The following TM9SF3 variants were observed in gnomAD, a reference collection of about 807,000 sequenced individuals.
TM9SF3 encodes SM-11044-binding protein.
A neutral mutation model predicts 78.6 loss-of-function variants in TM9SF3; 14 were observed. That is an observed-to-expected ratio of 0.18 (90% confidence interval 0.12 to 0.28). The LOEUF (loss-of-function observed/expected upper bound fraction) is 0.28. Ranked by LOEUF, TM9SF3 falls within the 10% of genes least tolerant of loss-of-function variation. The probability of loss-of-function intolerance (pLI) is 1.00; values close to 1 mark genes in which losing one functional copy is unlikely to be tolerated. For synonymous variants in TM9SF3, 231 were observed against 241.7 expected, an observed-to-expected ratio of 0.96 and a Z score of 0.41; for missense variants, 496 against 721.9, an observed-to-expected ratio of 0.69 and a Z score of 3.59.
chr10:96,541,043 C>A (rs1848024464), intron 9 of TM9SF3, among the ~76,000 whole-genome samples: 1 of 152,014 alleles, frequency 6.6e-6, no homozygotes, highest in South Asian at 2.1e-4. Context: ...GGATTACAGG[C>A]AGGAGCCACT....
At chr10:96,577,291 C>T (rs1848507357) in intron 1 of TM9SF3, among the ~76,000 whole-genome samples, 1 of 151,352 alleles carries the variant, frequency 6.6e-6, no homozygotes. Flanking sequence ...AAAATTTCAT[C>T]TCCTTGCGAG....
chr10:96,569,162 C>T (rs1218824898), intron 2 of TM9SF3, among the ~76,000 whole-genome samples: 1 of 152,116 alleles, frequency 6.6e-6, no homozygotes, highest in Non-Finnish European at 1.5e-5. Context: ...CAGTAAGACC[C>T]TGTCTCCAAA....
intron 1 of TM9SF3, among the ~76,000 whole-genome samples, chr10:96,579,032 T>G (rs943341104): frequency 6.6e-6 from 1 of 152,194 alleles, no homozygotes; most frequent in Non-Finnish European, 1.5e-5. Context: ...AGCCTGAGAT[T>G]GCGCCACTGC....
At chr10:96,538,832 C>A (rs1847989207) in intron 9 of TM9SF3, among the ~76,000 whole-genome samples, 1 of 152,168 alleles carries the variant, frequency 6.6e-6, no homozygotes, top group Non-Finnish European at 1.5e-5. Flanking sequence ...TATATACTCA[C>A]TAGAATAGCT....
In TM9SF3 at chr10:96,550,353, A is replaced by C. The variant is rs1848152017; in HGVS notation, c.959+892T>G. 2.0e-5 allele frequency among the ~76,000 whole-genome samples: 3 copies of C among 152,364 alleles called. No individual in the cohort carries two copies. The South Asian group carries it at 6.2e-4, about 32-fold the overall frequency. On this transcript the variant is annotated intron_variant, in intron 7 of 14. Coordinates refer to ENST00000371142, the MANE Select transcript of TM9SF3 (RefSeq NM_020123.4). ...GAAACAAATATTTAGTATACAGTTA[A>C]ATATTTAATATGCAACTAAAGAGCC...
intron 3 of TM9SF3, among the ~76,000 whole-genome samples, chr10:96,564,908 A>C (rs1050390769): frequency 2.0e-5 from 3 of 152,162 alleles, no homozygotes; most frequent in African/African-American, 7.2e-5. Context: ...ATACCAAGAA[A>C]CCATACTACC....
intron 9 of TM9SF3, among the ~76,000 whole-genome samples, chr10:96,540,495 T>G (rs183946243): frequency 6.6e-6 from 1 of 152,326 alleles, no homozygotes; most frequent in Admixed American, 6.5e-5. Flanking sequence ...TACAATCAAC[T>G]GCCTTGCGTA....
At chr10:96,550,493 G>C (rs1003019011) in intron 7 of TM9SF3, among the ~76,000 whole-genome samples, 2 of 152,152 alleles carry the variant, frequency 1.3e-5, no homozygotes, top group Admixed American at 6.5e-5. Flanking sequence ...GTGTCATTCT[G>C]AAGGAGGACT....
Position 96,578,436 on chromosome 10 carries a change from A to G in TM9SF3, c.103-1607T>C, listed in dbSNP as rs113705652. ...TTGTAGCAACAATAAAGGAATGATT[A>G]AATTCACTTTGGCAGAGAAGGTCAG... On this transcript the variant is annotated intron_variant, in intron 1 of 14. Transcript: ENST00000371142. Among the ~76,000 whole-genome samples the G allele has an allele frequency of 8.4e-3, 1,287 of 152,364 alleles. 22 individuals carry two copies. Among genetic ancestry groups the G allele is most frequent in the African/African-American group, 0.03 (1,233 of 41,586 alleles).
chr10:96,586,972 T>C lies in TM9SF3; in HGVS notation c.-137A>G. The stretch of plus-strand genomic sequence containing the variant: ...GACGCACGGGGCCCGGCCCAGCCGC[T>C]GCCTCCTCTGCCGCCGCCGTCGCCG... On this transcript the variant is annotated 5_prime_UTR_variant, in exon 1 of 15. Transcript: ENST00000371142. The C allele has an allele frequency of 1.7e-6, 1 of 593,206 alleles. No individual in the cohort carries two copies. Among genetic ancestry groups the C allele is most frequent in the Non-Finnish European group, 2.3e-6 (1 of 440,446 alleles). The allele number at this position is 593,206 out of a possible 1,614,324, so 36.7% of individuals were successfully genotyped here.
intron 14 of TM9SF3, among the ~76,000 whole-genome samples, chr10:96,523,318 A>G (rs969498884): frequency 2.0e-5 from 3 of 151,838 alleles, no homozygotes; most frequent in African/African-American, 7.2e-5. Context: ...ACAAATGCCT[A>G]GTCATCCTTG....
intron 8 of TM9SF3, 33 bp from the exon 9 acceptor site, chr10:96,544,239 T>C: frequency 6.6e-7 from 1 of 1,516,776 alleles, no homozygotes; most frequent in South Asian, 1.3e-5. Flanking sequence ...AAGTTTAATA[T>C]AATTATTTAG....
At chr10:96,553,175 C>G in intron 5 of TM9SF3, 116 bp from the exon 6 acceptor site, 1 of 1,149,202 alleles carries the variant, frequency 8.7e-7, no homozygotes, top group Non-Finnish European at 1.1e-6. Context: ...TTAATTAAAT[C>G]CTTTAGACAA....
In TM9SF3 at chr10:96,544,176, C is replaced by A; in HGVS notation, c.1085G>T (p.Gly362Val). 6.2e-7 allele frequency: 1 copy of A among 1,608,144 alleles called. No individual in the cohort carries two copies. Among genetic ancestry groups the A allele is most frequent in the South Asian group, 1.1e-5 (1 of 90,024 alleles). Residue 362 changes from glycine (G) to valine (V), a missense_variant, in exon 9 of 15, where the codon GGG becomes GTG. Around this residue, in one of 4 missense-constraint regions of TM9SF3, gnomAD observed 280 missense variants for 422.6 expected, o/e 0.66. Transcript: ENST00000371142. Reference sequence around the variant, plus strand: ...CACCATAGCTGGGATAAGGAATGCCCCAATAAACATCTGCTTTATCCATCT... The same window carrying A: ...CACCATAGCTGGGATAAGGAATGCCACAATAAACATCTGCTTTATCCATCT... ...GRRWIKQMFI[G>V]AFLIPAMVCG...
intron 3 of TM9SF3, among the ~76,000 whole-genome samples, chr10:96,563,945 C>G (rs552509996): frequency 2.8e-4 from 43 of 151,842 alleles, no homozygotes; most frequent in African/African-American, 9.2e-4. Flanking sequence ...AAATTTAACA[C>G]AGGAAAGCAC....
intron 5 of TM9SF3, among the ~76,000 whole-genome samples, chr10:96,555,112 C>T (rs1253672966): frequency 6.6e-6 from 1 of 150,790 alleles, no homozygotes; most frequent in Non-Finnish European, 1.5e-5. Context: ...GTTCATATAT[C>T]ACTCCTCTAT....
chr10:96,519,281 T>C lies in TM9SF3; in HGVS notation c.*2982A>G, dbSNP rs1296539240. 2 of 151,966 alleles carry C rather than the reference T, an allele frequency of 1.3e-5. No individual in the cohort carries two copies. Among genetic ancestry groups the C allele is most frequent in the Admixed American group, 1.3e-4 (2 of 15,248 alleles). The allele number at this position is 151,966 out of a possible 1,614,324, so 9.4% of individuals were successfully genotyped here. On this transcript the variant is annotated 3_prime_UTR_variant, in exon 15 of 15. Transcript: ENST00000371142. Reference sequence around the variant, plus strand: ...CTGGATTTTGCAGCAACCAACTTTATAAAGAGGTCCATCCACTCTCAATGG... The same window carrying C: ...CTGGATTTTGCAGCAACCAACTTTACAAAGAGGTCCATCCACTCTCAATGG...
At chr10:96,571,121 A>C (rs138604860) in intron 2 of TM9SF3, among the ~76,000 whole-genome samples, 5 of 152,206 alleles carry the variant, frequency 3.3e-5, no homozygotes, top group African/African-American at 1.2e-4. Context: ...AGGAGAAAAC[A>C]TAACAGGAGA....
chr10:96,541,851 T>C (rs574422554), intron 9 of TM9SF3, among the ~76,000 whole-genome samples: 1 of 152,338 alleles, frequency 6.6e-6, no homozygotes, highest in Admixed American at 6.5e-5. Flanking sequence ...CAGTTAGTAG[T>C]GGTACCTGGC....
Sources: gnomAD v4.1 joint callset for allele counts (sites outside exome capture counted in the v4.1 genomes callset) on GRCh38, gnomAD v4.1.1 for gene constraint, gnomAD v4.1.1 regional missense constraint, MANE v1.5 for transcripts, NCBI Gene and HGNC (gene_info 2026-07-23, HGNC 2026-07-21) for gene names.